NELL2: variants seen among roughly 807,000 people sequenced by gnomAD.
NELL2 encodes the protein protein kinase C-binding protein NELL2.
Under a neutral mutation model 109.6 loss-of-function variants are expected in NELL2, and 41 were observed. The observed-to-expected ratio is 0.37, with a 90% confidence interval of 0.29 to 0.49. NELL2 has a LOEUF of 0.49. Among genes scored for constraint, NELL2 ranks in the 20% least tolerant of loss-of-function variants. The pLI is 0.98. For synonymous variants in NELL2, 355 were observed against 344.7 expected, an observed-to-expected ratio of 1.03 and a Z score of -0.33; for missense variants, 900 against 1,008.3, an observed-to-expected ratio of 0.89 and a Z score of 1.45.
At chr12:44,667,364 G>C (rs936473178) in intron 12 of NELL2, among the ~76,000 whole-genome samples, 13 of 152,004 alleles carry the variant, frequency 8.6e-5, no homozygotes, top group African/African-American at 3.1e-4. Flanking sequence ...GTAATACAGG[G>C]GTCAGGAAAA....
At chr12:44,583,163 G>A in intron 15 of NELL2, among the ~76,000 whole-genome samples, 1 of 152,134 alleles carries the variant, frequency 6.6e-6, no homozygotes, top group East Asian at 1.9e-4. Context: ...TACTGAATGA[G>A]CCAAGGAAGG....
rs34309919 is a variant in NELL2 at position 44,542,291 on chromosome 12, C to CTT, written c.1664-9572_1664-9571dup. On this transcript the variant is annotated intron_variant, in intron 15 of 19. Transcript: ENST00000429094. ...ACCTCAATGTCCTCTATATATTAGT[C>CTT]TTTTTTTTTTTTTTGCAGACCTTAT... is the stretch of plus-strand genomic sequence containing the variant. Among the ~76,000 whole-genome samples, 502 of 142,094 alleles carry CTT rather than the reference C, an allele frequency of 3.5e-3. 1 individual carries two copies. The highest frequency in any genetic ancestry group is 4.9e-3 in the East Asian group (24 of 4,858). 93.2% of individuals were successfully genotyped at this position (142,094 alleles called of 152,430 possible).
At chr12:44,790,792 C>A (rs1271776795) in intron 3 of NELL2, among the ~76,000 whole-genome samples, 1 of 151,630 alleles carries the variant, frequency 6.6e-6, no homozygotes, top group Admixed American at 6.6e-5. Flanking sequence ...TAAGGACTCA[C>A]ATAAACTTCA....
intron 9 of NELL2, among the ~76,000 whole-genome samples, chr12:44,746,529 A>C (rs1157071238): frequency 6.6e-6 from 1 of 152,248 alleles, no homozygotes; most frequent in Non-Finnish European, 1.5e-5. Context: ...GAATGGGAGA[A>C]AATTTTTGCA....
At chr12:44,787,113 A>G (rs749406300) in intron 3 of NELL2, among the ~76,000 whole-genome samples, 7 of 152,206 alleles carry the variant, frequency 4.6e-5, no homozygotes, top group African/African-American at 1.2e-4. Flanking sequence ...AAAAATAATT[A>G]TATTTCTACA....
At chr12:44,839,272 T>C (rs1944149058) in intron 2 of NELL2, among the ~76,000 whole-genome samples, 2 of 152,204 alleles carry the variant, frequency 1.3e-5, no homozygotes, top group African/African-American at 2.4e-5. Flanking sequence ...ATTAAGGCAT[T>C]ATAGTCATTA....
At chr12:44,539,554 ACTTT>A (rs1433300103) in intron 15 of NELL2, among the ~76,000 whole-genome samples, 1 of 152,092 alleles carries the variant, frequency 6.6e-6, no homozygotes, top group Non-Finnish European at 1.5e-5. Context: ...ATGTTTTATT[ACTTT>A]ATCTTTTTTT....
intron 1 of NELL2, among the ~76,000 whole-genome samples, chr12:44,919,322 TTAATATTAATATAAAA>T (rs1277941664): frequency 1.3e-5 from 2 of 151,800 alleles, no homozygotes; most frequent in Admixed American, 6.6e-5. Context: ...TGATAAATTA[TTAATATTAATATAAAA>T]TAATATTAAT....
intron 10 of NELL2, 46 bp from the exon 11 acceptor site, chr12:44,711,440 C>T: frequency 6.6e-7 from 1 of 1,518,448 alleles, no homozygotes. Context: ...ATCATTAGGA[C>T]TTGTTAAGAA....
chr12:44,885,160 T>C (rs1255397312), intron 1 of NELL2, among the ~76,000 whole-genome samples: 1 of 151,898 alleles, frequency 6.6e-6, no homozygotes, highest in Non-Finnish European at 1.5e-5. Flanking sequence ...GCACCTGTAA[T>C]CTCAGCTACT....
At chr12:44,744,365 A>G (rs188413181) in intron 9 of NELL2, among the ~76,000 whole-genome samples, 1 of 152,152 alleles carries the variant, frequency 6.6e-6, no homozygotes, top group African/African-American at 2.4e-5. Context: ...TCTAAAATTG[A>G]CACCCTAACA....
At chr12:44,627,968 T>G (rs1390078830) in intron 13 of NELL2, among the ~76,000 whole-genome samples, 4 of 152,204 alleles carry the variant, frequency 2.6e-5, no homozygotes. Context: ...GAACTAATCA[T>G]ATCCTTATTG....
At chr12:44,636,319 T>G (rs1946633917) in intron 13 of NELL2, among the ~76,000 whole-genome samples, 1 of 152,166 alleles carries the variant, frequency 6.6e-6, no homozygotes, top group South Asian at 2.1e-4. Context: ...TCCAATATTA[T>G]GTTGAATAGG....
At chr12:44,779,538 C>A in intron 5 of NELL2, 125 bp downstream of exon 5, 1 of 731,966 alleles carries the variant, frequency 1.4e-6, no homozygotes, top group Non-Finnish European at 2.2e-6. Flanking sequence ...AAAAATGAAA[C>A]AGACACAAAT....
intron 9 of NELL2, among the ~76,000 whole-genome samples, chr12:44,734,053 C>T (rs1006305417): frequency 6.6e-5 from 10 of 151,824 alleles, no homozygotes; most frequent in African/African-American, 2.2e-4. Context: ...GCTCCGTTTG[C>T]CTAATAATTA....
At chr12:44,662,897 G>A (rs1947797365) in intron 13 of NELL2, among the ~76,000 whole-genome samples, 3 of 152,130 alleles carry the variant, frequency 2.0e-5, no homozygotes, top group Non-Finnish European at 4.4e-5. Flanking sequence ...GGAATTCCAT[G>A]AGCTCGGACA....
chr12:44,574,152 C>T (rs1308960238), intron 15 of NELL2, among the ~76,000 whole-genome samples: 1 of 151,956 alleles, frequency 6.6e-6, no homozygotes, highest in Non-Finnish European at 1.5e-5. Flanking sequence ...CAACCTCTGT[C>T]TCTTGGGTTC....
chr12:44,605,852 G>T (rs1228159806), intron 15 of NELL2, among the ~76,000 whole-genome samples: 1 of 152,140 alleles, frequency 6.6e-6, no homozygotes, highest in African/African-American at 2.4e-5. Context: ...ACCTTGATGT[G>T]TAGGGGCAAA....
Position 44,673,808 on chromosome 12 carries a change from G to A in NELL2, c.1319-8199C>T, listed in dbSNP as rs142929188. Among the ~76,000 whole-genome samples the A allele has an allele frequency of 2.3e-3, 344 of 152,190 alleles. 2 individuals carry two copies. Among genetic ancestry groups the A allele is most frequent in the African/African-American group, 7.8e-3 (323 of 41,530 alleles). ...AGCAATATCTCTAATAGAGGTTCAT[G>A]GTTCCTTGAAAACAAAATATTACAT... On this transcript the variant is annotated intron_variant, in intron 12 of 19. Transcript: ENST00000429094.
Sources: gnomAD v4.1 joint callset for allele counts (sites outside exome capture counted in the v4.1 genomes callset) on GRCh38, gnomAD v4.1.1 for gene constraint, MANE v1.5 for transcripts, NCBI Gene and HGNC (gene_info 2026-07-23, HGNC 2026-07-21) for gene names.